HSD17B3: variants seen among roughly 807,000 people sequenced by gnomAD.
The protein encoded by HSD17B3 is hydroxysteroid 17-beta dehydrogenase 3, also known as 17-beta-hydroxysteroid dehydrogenase type 3.
In HSD17B3, 29 loss-of-function variants were observed where a neutral mutation model predicts 41.1. The ratio of observed to expected loss-of-function variants is 0.71; its 90% CI spans 0.53 to 0.96. The LOEUF (loss-of-function observed/expected upper bound fraction) is 0.96. Ranked by LOEUF, HSD17B3 falls within the 40% of genes least tolerant of loss-of-function variation. HSD17B3 has a pLI of 0.00. For synonymous variants in HSD17B3, 126 were observed against 145.6 expected (o/e 0.87, Z 0.97); for missense variants, 323 against 374.6 (o/e 0.86, Z 1.14).
intron 5 of HSD17B3, among the ~76,000 whole-genome samples, chr9:96,250,812 C>T (rs1332295750): frequency 1.3e-5 from 2 of 150,124 alleles, no homozygotes; most frequent in African/African-American, 4.9e-5. Context: ...CGCTTGAACC[C>T]GGGAGGCAGA....
At chr9:96,269,076 C>T (rs1826142465) in intron 2 of HSD17B3, among the ~76,000 whole-genome samples, 1 of 152,164 alleles carries the variant, frequency 6.6e-6, no homozygotes, top group Admixed American at 6.5e-5. Flanking sequence ...TGCACTTACA[C>T]ACACCTAGAG....
chr9:96,251,051 G>A (rs907299301), intron 5 of HSD17B3: 24 of 252,992 alleles, frequency 9.5e-5, no homozygotes, highest in Non-Finnish European at 1.6e-4. Context: ...CTTAGTACCT[G>A]GGAAGACAGA....
chr9:96,271,066 C>A (rs531484319), intron 2 of HSD17B3, among the ~76,000 whole-genome samples: 14 of 151,624 alleles, frequency 9.2e-5, no homozygotes, highest in African/African-American at 3.1e-4. Flanking sequence ...AGGATGTAGC[C>A]CTGGATGTGG....
rs867714723 is a variant in HSD17B3, at chr9:96,238,029, G to A, written c.823-2459C>T. ...ATGTGCCTATAGTCCCAGCTACTGC[G>A]GAGGCTGAGGTGGGAGGAAATCTTG... On this transcript the variant is annotated intron_variant, in intron 10 of 10. Transcript: ENST00000375263. 4.6e-5 allele frequency among the ~76,000 whole-genome samples: 7 copies of A among 152,254 alleles called. No homozygotes were observed. In the Middle Eastern group the frequency reaches 0.014, roughly 296 times the overall value.
At chr9:96,277,143 G>C (rs1396828771) in intron 2 of HSD17B3, among the ~76,000 whole-genome samples, 1 of 151,374 alleles carries the variant, frequency 6.6e-6, no homozygotes, top group Non-Finnish European at 1.5e-5. Flanking sequence ...AGAGCTTGCA[G>C]TGAGCCGAGA....
chr9:96,262,793 C>CCTTTT (rs1287210393), intron 2 of HSD17B3, among the ~76,000 whole-genome samples: 10 of 152,032 alleles, frequency 6.6e-5, no homozygotes, highest in Admixed American at 5.9e-4. Flanking sequence ...TGCTTCCATT[C>CCTTTT]CTTTTCTTTT....
chr9:96,284,490 T>C, intron 2 of HSD17B3, among the ~76,000 whole-genome samples: 1 of 152,212 alleles, frequency 6.6e-6, no homozygotes, highest in Non-Finnish European at 1.5e-5. Flanking sequence ...AGAATCTGTT[T>C]TCTTTTGCAA....
chr9:96,252,949 C>A, intron 3 of HSD17B3, 39 bp from the exon 4 acceptor site: 1 of 1,240,304 alleles, frequency 8.1e-7, no homozygotes. Context: ...GAACAGGGAT[C>A]CAAATGCCCC....
intron 5 of HSD17B3, chr9:96,250,446 G>A (rs1009775486): frequency 1.0e-5 from 11 of 1,064,822 alleles, no homozygotes; most frequent in Non-Finnish European, 1.0e-5. Context: ...ATTATCACCC[G>A]GTGCAGCAGA....
intron 2 of HSD17B3, among the ~76,000 whole-genome samples, chr9:96,268,812 G>C (rs541047358): frequency 8.3e-4 from 126 of 152,222 alleles, no homozygotes; most frequent in South Asian, 2.7e-3. Flanking sequence ...AGCTGCACGT[G>C]GTGGTGCACC....
At chr9:96,274,510 G>C (rs927512044) in intron 2 of HSD17B3, among the ~76,000 whole-genome samples, 1 of 151,860 alleles carries the variant, frequency 6.6e-6, no homozygotes, top group Non-Finnish European at 1.5e-5. Flanking sequence ...AAAATGAGGG[G>C]GGAAATACAT....
In HSD17B3 at chr9:96,282,992, C is replaced by CTTTT. The variant is rs58397134; in HGVS notation, c.201+15420_201+15423dup. Among the ~76,000 whole-genome samples the CTTTT allele has an allele frequency of 2.0e-3, 142 of 71,716 alleles. 1 individual carries two copies. The highest frequency in any genetic ancestry group is 2.4e-3 in the African/African-American group (36 of 15,188). The allele number at this position is 71,716 out of a possible 152,430, so 47.0% of individuals were successfully genotyped here. The stretch of plus-strand genomic sequence containing the variant: ...GAATAAAAGCACAACAGGTTTCTTT[C>CTTTT]TTTTTTTTTTTTTTTTTTTTTTTTT... On this transcript the variant is annotated intron_variant, in intron 2 of 10. Coordinates refer to ENST00000375263, the MANE Select transcript of HSD17B3 (RefSeq NM_000197.2).
intron 4 of HSD17B3, 39 bp from the exon 5 acceptor site, chr9:96,251,524 C>T (rs1204558207): frequency 1.9e-6 from 3 of 1,558,438 alleles, no homozygotes; most frequent in Non-Finnish European, 2.7e-6. Flanking sequence ...GTCAGAAGAT[C>T]AGGTGGGAGA....
intron 2 of HSD17B3, among the ~76,000 whole-genome samples, chr9:96,279,110 C>T (rs556327902): frequency 6.6e-6 from 1 of 152,318 alleles, no homozygotes; most frequent in South Asian, 2.1e-4. Flanking sequence ...CTCTGCTATA[C>T]CCACAGATAT....
At chr9:96,267,564 CATTTTTAATTTCTTTAAA>C (rs934404388) in intron 2 of HSD17B3, among the ~76,000 whole-genome samples, 5 of 151,730 alleles carry the variant, frequency 3.3e-5, no homozygotes, top group Non-Finnish European at 7.4e-5. Context: ...AAACGTAAAA[CATTTTTAATTTCTTTAAA>C]ATTTTTAATT....
At chr9:96,291,336 G>T (rs1157626333) in intron 2 of HSD17B3, among the ~76,000 whole-genome samples, 1 of 151,796 alleles carries the variant, frequency 6.6e-6, no homozygotes. Context: ...GGCCCAGGAA[G>T]AAGCCAGAAC....
chr9:96,235,669 G>T, intron 10 of HSD17B3, 99 bp from the exon 11 acceptor site: 2 of 937,088 alleles, frequency 2.1e-6, no homozygotes, highest in Non-Finnish European at 3.4e-6. Context: ...GACTACTAAA[G>T]TGGAGCCCCA....
chr9:96,291,916 C>T (rs568564453), intron 2 of HSD17B3, among the ~76,000 whole-genome samples: 1 of 151,836 alleles, frequency 6.6e-6, no homozygotes, highest in African/African-American at 2.4e-5. Context: ...AAGATCGCAC[C>T]ATTGCACTCC....
chr9:96,248,726 T>A (rs1007851949), intron 6 of HSD17B3, among the ~76,000 whole-genome samples: 2 of 152,088 alleles, frequency 1.3e-5, no homozygotes, highest in Non-Finnish European at 2.9e-5. Flanking sequence ...TCACACAAAA[T>A]CCTCATCTAC....
Sources: allele counts gnomAD v4.1 joint callset (sites outside exome capture counted in the v4.1 genomes callset), GRCh38; gene constraint gnomAD v4.1.1; transcripts MANE v1.5; gene names NCBI Gene and HGNC (gene_info 2026-07-23, HGNC 2026-07-21).